CLASP1: variants seen among roughly 807,000 people sequenced by gnomAD.
The protein encoded by CLASP1 is cytoplasmic linker associated protein 1, also known as CLIP-associating protein 1.
In CLASP1, 38 loss-of-function variants were observed where a neutral mutation model predicts 192.3. That is an observed-to-expected ratio of 0.20 (90% CI 0.15 to 0.26). The LOEUF (loss-of-function observed/expected upper bound fraction) is 0.26, where lower values mean the gene tolerates loss of function less well. CLASP1 is among the 10% of genes least tolerant of loss of function. CLASP1 has a pLI of 1.00. For synonymous variants in CLASP1, 691 were observed against 712.8 expected (o/e 0.97, Z 0.49); for missense variants, 1,433 against 1,932.5 (o/e 0.74, Z 4.85).
At chr2:121,353,139 G>A (rs183468888) in intron 37 of CLASP1, among the ~76,000 whole-genome samples, 61 of 152,196 alleles carry the variant, frequency 4.0e-4, no homozygotes, top group Admixed American at 5.9e-4. Context: ...AGACCAGCCC[G>A]GGCAACATGG....
chr2:121,444,096 T>G (rs935979322), intron 19 of CLASP1, among the ~76,000 whole-genome samples: 2 of 152,234 alleles, frequency 1.3e-5, no homozygotes, highest in Admixed American at 6.5e-5. Flanking sequence ...TTTTCATGCA[T>G]TCTATCTAGC....
Position 121,408,895 on chromosome 2 carries a change from T to C in CLASP1, c.2425-1180A>G, listed in dbSNP as rs921514571. The C allele has an allele frequency of 8.1e-5, 60 of 743,764 alleles. No individual in the cohort carries two copies. In the East Asian group the frequency reaches 1.3e-3, roughly 16 times the overall value. The allele number at this position is 743,764 out of a possible 1,614,324, so 46.1% of individuals were successfully genotyped here. ...CAACAATGATGGTGAATCACTGTTATGATTCAACAAAATCATATTTCAGAC... is the reference window on the plus strand; with the variant it reads ...CAACAATGATGGTGAATCACTGTTACGATTCAACAAAATCATATTTCAGAC... On this transcript the variant is annotated intron_variant, in intron 24 of 39. Transcript: ENST00000263710.
intron 2 of CLASP1, chr2:121,530,868 A>G (rs1302187313): frequency 1.6e-5 from 11 of 678,588 alleles, no homozygotes; most frequent in Non-Finnish European, 2.7e-5. Flanking sequence ...CAGCCCAGGG[A>G]CTTTCTATTA....
At chr2:121,621,543 A>C (rs1368472435) in intron 1 of CLASP1, among the ~76,000 whole-genome samples, 2 of 152,208 alleles carry the variant, frequency 1.3e-5, no homozygotes, top group African/African-American at 4.8e-5. Flanking sequence ...GTGGACCTGT[A>C]CCACCATCAT....
intron 2 of CLASP1, among the ~76,000 whole-genome samples, chr2:121,562,543 C>G (rs1389087513): frequency 1.3e-5 from 2 of 152,182 alleles, no homozygotes; most frequent in African/African-American, 4.8e-5. Flanking sequence ...TCCTATGACT[C>G]CCTCCATAAA....
At chr2:121,630,202 G>A (rs945888299) in intron 1 of CLASP1, among the ~76,000 whole-genome samples, 3 of 152,106 alleles carry the variant, frequency 2.0e-5, no homozygotes, top group Non-Finnish European at 2.9e-5. Context: ...TTACAGGCGT[G>A]AGCCACCACG....
chr2:121,574,018 G>A (rs1025054166), intron 2 of CLASP1, among the ~76,000 whole-genome samples: 8 of 152,198 alleles, frequency 5.3e-5, no homozygotes, highest in African/African-American at 1.4e-4. Flanking sequence ...AGAGGAATAA[G>A]TTTAAGGGAT....
intron 8 of CLASP1, among the ~76,000 whole-genome samples, chr2:121,486,429 A>G (rs956019997): frequency 9.9e-5 from 15 of 152,240 alleles, no homozygotes; most frequent in African/African-American, 3.6e-4. Context: ...GTCATATTAC[A>G]TAAGAGTCAC....
intron 1 of CLASP1, among the ~76,000 whole-genome samples, chr2:121,622,016 T>C (rs1353879249): frequency 1.3e-5 from 2 of 151,600 alleles, no homozygotes; most frequent in East Asian, 3.9e-4. Flanking sequence ...CTCAGCTAAT[T>C]TTTGTATTTT....
intron 19 of CLASP1, chr2:121,444,918 T>C (rs762429853): frequency 8.1e-6 from 11 of 1,350,624 alleles, no homozygotes; most frequent in Non-Finnish European, 9.9e-6. Flanking sequence ...CACACCTCAA[T>C]CACAGAAACA....
At chr2:121,467,068 A>T (rs985644334) in intron 9 of CLASP1, among the ~76,000 whole-genome samples, 2 of 152,160 alleles carry the variant, frequency 1.3e-5, no homozygotes, top group African/African-American at 4.8e-5. Flanking sequence ...GAGAACATGT[A>T]GTATTTGGTT....
exon 24 of CLASP1, chr2:121,410,898 T>A (rs1158207975): frequency 6.2e-7 from 1 of 1,612,376 alleles, no homozygotes; most frequent in Non-Finnish European, 8.5e-7. Context: ...TCAAGATCTG[T>A]ACTTGTGCTC....
intron 35 of CLASP1, 102 bp from the exon 37 acceptor site, chr2:121,365,386 C>G: frequency 9.1e-7 from 1 of 1,097,096 alleles, no homozygotes; most frequent in Non-Finnish European, 1.3e-6. Context: ...CCTCCTCTCC[C>G]AGAGGCGATG....
chr2:121,629,506 C>G (rs993183522), intron 1 of CLASP1, among the ~76,000 whole-genome samples: 7 of 151,662 alleles, frequency 4.6e-5, no homozygotes, highest in Admixed American at 2.6e-4. Context: ...GAAAAGCAAA[C>G]TAGGCCGGGA....
intron 34 of CLASP1, among the ~76,000 whole-genome samples, chr2:121,377,224 T>C (rs1335707888): frequency 6.6e-6 from 1 of 152,234 alleles, no homozygotes; most frequent in African/African-American, 2.4e-5. Flanking sequence ...AATTTTTCAA[T>C]GTTCCCAACA....
At position 121,530,908 on chromosome 2, in the gene CLASP1, T is replaced by G. The variant is rs779143800; in HGVS notation, c.196-583A>C. The G allele has an allele frequency of 4.3e-6, 3 of 697,750 alleles. No homozygotes were observed. Among genetic ancestry groups the G allele is most frequent in the Admixed American group, 2.0e-5 (1 of 49,928 alleles). The allele number at this position is 697,750 out of a possible 1,614,324, so 43.2% of individuals were successfully genotyped here. ...CATCCTTTTCTTGGGGTTGCGCTAC[T>G]GTCCAATGAGCGCATAGTGAGGGCA... On this transcript the variant is annotated intron_variant, in intron 2 of 39. Coordinates refer to ENST00000263710, the Ensembl canonical transcript of CLASP1.
At chr2:121,531,230 T>G (rs1015571472) in intron 2 of CLASP1, among the ~76,000 whole-genome samples, 2 of 152,150 alleles carry the variant, frequency 1.3e-5, no homozygotes, top group African/African-American at 4.8e-5. Flanking sequence ...TTCCTTATGC[T>G]GAGTCAGCCC....
At chr2:121,644,275 C>A (rs2072698497) in intron 1 of CLASP1, among the ~76,000 whole-genome samples, 1 of 151,792 alleles carries the variant, frequency 6.6e-6, no homozygotes, top group African/African-American at 2.4e-5. Context: ...GTTTCCTAAC[C>A]TAAGAAAACA....
intron 2 of CLASP1, among the ~76,000 whole-genome samples, chr2:121,545,174 A>G (rs1191588269): frequency 2.6e-5 from 4 of 152,102 alleles, no homozygotes; most frequent in African/African-American, 9.7e-5. Context: ...TCGGCCTCCC[A>G]AAGTGTTGGG....
Sources: gnomAD v4.1 joint callset for allele counts (sites outside exome capture counted in the v4.1 genomes callset) on GRCh38, gnomAD v4.1.1 for gene constraint, MANE v1.5 for transcripts, NCBI Gene and HGNC (gene_info 2026-07-23, HGNC 2026-07-21) for gene names.